The following CHTF8 variants were observed in gnomAD, a reference collection of about 807,000 sequenced individuals.
CHTF8 encodes chromosome transmission fidelity protein 8 homolog.
A neutral mutation model predicts 11.0 loss-of-function variants in CHTF8; 6 were observed. That is an observed-to-expected ratio of 0.55 (90% confidence interval 0.30 to 1.08). The LOEUF (loss-of-function observed/expected upper bound fraction) is 1.08. CHTF8 is among the 50% of genes least tolerant of loss of function. The probability of loss-of-function intolerance (pLI) is 0.07; values close to 1 mark genes in which losing one functional copy is unlikely to be tolerated. For synonymous variants in CHTF8, 53 were observed against 60.5 expected (o/e 0.88, Z 0.57); for missense variants, 140 against 153.1 (o/e 0.91, Z 0.45).
At chr16:69,125,200 G>A (rs1298791425) in intron 1 of CHTF8, among the ~76,000 whole-genome samples, 1 of 152,098 alleles carries the variant, frequency 6.6e-6, no homozygotes, top group Non-Finnish European at 1.5e-5. Flanking sequence ...CATTGCGCCC[G>A]GCCAACTCAC....
At chr16:69,125,515 G>A (rs528022131) in intron 1 of CHTF8, among the ~76,000 whole-genome samples, 161 of 152,238 alleles carry the variant, frequency 1.1e-3, no homozygotes, top group Non-Finnish European at 1.1e-3. Flanking sequence ...TAATGAGAAC[G>A]AAAAAGAATC....
Position 69,118,592 on chromosome 16 carries a change from C to G in CHTF8, c.*1833G>C, listed in dbSNP as rs1264963926. On this transcript the variant is annotated 3_prime_UTR_variant, in exon 4 of 4. Coordinates refer to ENST00000448552, the MANE Select transcript of CHTF8 (RefSeq NM_001039690.5). ...AAACAATGGGCAGAAAGCTGTGGGACGAAAGCACAGCAGGCTTCTGGGAGG... is the reference window on the plus strand; with the variant it reads ...AAACAATGGGCAGAAAGCTGTGGGAGGAAAGCACAGCAGGCTTCTGGGAGG... 2.8e-6 allele frequency: 2 copies of G among 725,298 alleles called. No individual in the cohort carries two copies. The highest frequency in any genetic ancestry group is 5.0e-6 in the Non-Finnish European group (2 of 398,364). The allele number at this position is 725,298 out of a possible 1,614,324, so 44.9% of individuals were successfully genotyped here.
intron 1 of CHTF8, among the ~76,000 whole-genome samples, chr16:69,130,609 G>T (rs1962427955): frequency 6.6e-6 from 1 of 152,078 alleles, no homozygotes; most frequent in Non-Finnish European, 1.5e-5. Context: ...CAATACACTG[G>T]GCATAAACAC....
At chr16:69,131,303 T>C (rs1395948950) in intron 1 of CHTF8, 3 of 152,172 alleles carry the variant, frequency 2.0e-5, no homozygotes, top group African/African-American at 4.8e-5. Flanking sequence ...TTACTGGTAT[T>C]TGTAGCAATG....
At position 69,118,366 on chromosome 16, in the gene CHTF8, A is replaced by C; in HGVS notation, c.*2059T>G. Reference sequence around the variant, plus strand: ...GTTCTGTGTTCAAGCCCCCAGGGAAAGGTATGGCAGTAGAGGATGACCAGG... The same window carrying C: ...GTTCTGTGTTCAAGCCCCCAGGGAACGGTATGGCAGTAGAGGATGACCAGG... On this transcript the variant is annotated 3_prime_UTR_variant, in exon 4 of 4. Coordinates refer to ENST00000448552, the MANE Select transcript of CHTF8 (RefSeq NM_001039690.5). 4 of 1,606,626 alleles carry C rather than the reference A, an allele frequency of 2.5e-6. No individual in the cohort carries two copies. The highest frequency in any genetic ancestry group is 3.4e-6 in the Non-Finnish European group (4 of 1,173,210).
intron 1 of CHTF8, among the ~76,000 whole-genome samples, chr16:69,122,237 G>T (rs779724948): frequency 6.6e-6 from 1 of 152,242 alleles, no homozygotes; most frequent in East Asian, 1.9e-4. Flanking sequence ...ATCACCAATG[G>T]TCAACTGTAT....
chr16:69,129,573 G>C (rs1215152501), intron 1 of CHTF8, among the ~76,000 whole-genome samples: 2 of 151,934 alleles, frequency 1.3e-5, no homozygotes, highest in African/African-American at 4.8e-5. Context: ...TATGCTTTTA[G>C]CAAGGTCTTC....
chr16:69,128,270 C>T (rs1170980421), intron 1 of CHTF8, among the ~76,000 whole-genome samples: 1 of 152,128 alleles, frequency 6.6e-6, no homozygotes, highest in East Asian at 1.9e-4. Context: ...ACATGTCTTT[C>T]GTTAGGAACA....
chr16:69,120,387 A>G lies in CHTF8; in HGVS notation c.*38T>C, dbSNP rs1961555022. The G allele has an allele frequency of 6.2e-7, 1 of 1,601,778 alleles. No homozygotes were observed. The highest frequency in any genetic ancestry group is 8.6e-7 in the Non-Finnish European group (1 of 1,168,902). Reference sequence around the variant, plus strand: ...GAGGTGGCAGCGGAGCACGAGTCCAAGGAGTTGGCCGCTCTCTAGGGAAAA... The same window carrying G: ...GAGGTGGCAGCGGAGCACGAGTCCAGGGAGTTGGCCGCTCTCTAGGGAAAA... On this transcript the variant is annotated 3_prime_UTR_variant, in exon 4 of 4. Transcript: ENST00000448552. The surrounding 1 kb of genome is among the most constrained non-coding windows in gnomAD (Gnocchi z 4.0).
chr16:69,119,612 G>A lies in CHTF8; in HGVS notation c.*813C>T, dbSNP rs1961464451. ...GCTCTTAGAATGGGGGCAAGATCGAGGCCTTGAGGTCCAGCCATTCTTAAG... is the reference window on the plus strand; with the variant it reads ...GCTCTTAGAATGGGGGCAAGATCGAAGCCTTGAGGTCCAGCCATTCTTAAG... On this transcript the variant is annotated 3_prime_UTR_variant, in exon 4 of 4. Coordinates refer to ENST00000448552, the MANE Select transcript of CHTF8 (RefSeq NM_001039690.5). 1 of 695,522 alleles carries A rather than the reference G, an allele frequency of 1.4e-6. No individual in the cohort carries two copies. The highest frequency in any genetic ancestry group is 2.6e-6 in the Non-Finnish European group (1 of 380,674). The allele number at this position is 695,522 out of a possible 1,614,324, so 43.1% of individuals were successfully genotyped here. A position where few individuals can be genotyped will look rare whatever the true frequency, so the allele number is the denominator to read the frequency against.
intron 1 of CHTF8, among the ~76,000 whole-genome samples, chr16:69,122,890 G>A (rs1282866606): frequency 6.6e-6 from 1 of 151,908 alleles, no homozygotes; most frequent in Non-Finnish European, 1.5e-5. Context: ...TGTTAGCCAG[G>A]CTGGTCTCAA....
intron 1 of CHTF8, among the ~76,000 whole-genome samples, chr16:69,131,053 G>A (rs1173446529): frequency 6.6e-6 from 1 of 152,166 alleles, no homozygotes; most frequent in Non-Finnish European, 1.5e-5. Flanking sequence ...AACTGAAGGG[G>A]ACAGGTCTAT....
intron 1 of CHTF8, chr16:69,131,286 G>A (rs2152273956): frequency 6.6e-6 from 1 of 152,236 alleles, no homozygotes; most frequent in Non-Finnish European, 1.5e-5. Context: ...ACGTTGGAGG[G>A]AATCAATTAC....
At chr16:69,123,149 C>T (rs528690010) in intron 1 of CHTF8, among the ~76,000 whole-genome samples, 10 of 152,220 alleles carry the variant, frequency 6.6e-5, no homozygotes, top group African/African-American at 1.4e-4. Flanking sequence ...CTTTACTGCC[C>T]GGGCTTAAGT....
At chr16:69,128,636 C>T (rs1962264911) in intron 1 of CHTF8, among the ~76,000 whole-genome samples, 1 of 152,166 alleles carries the variant, frequency 6.6e-6, no homozygotes, top group Non-Finnish European at 1.5e-5. Flanking sequence ...CACCAGCATT[C>T]AAAGAATCAA....
Position 69,120,586 on chromosome 16 carries a change from G to T in CHTF8, c.205C>A (p.Pro69Thr). 4 of 1,614,012 alleles carry T rather than the reference G, an allele frequency of 2.5e-6. No homozygotes were observed. The highest frequency in any genetic ancestry group is 3.4e-6 in the Non-Finnish European group (4 of 1,179,970). Residue 69 changes from proline (P) to threonine (T), a missense_variant, in exon 4 of 4, where the codon CCT becomes ACT. By Grantham distance (38) the Pro-to-Thr change is conservative. Coordinates refer to ENST00000448552, the MANE Select transcript of CHTF8 (RefSeq NM_001039690.5). This position sits in a 1 kb window ranked among gnomAD's most constrained non-coding sequence, Gnocchi z 4.0. ...LYGKIIHLEK[P>T]FAVLVKHTPG... ...GTGTGTTTGACAAGGACTGCAAAAG[G>T]TTTCTCCAGGTGGATGATTTTCCCA...
At chr16:69,121,264 G>T in intron 2 of CHTF8, 94 bp from the exon 3 acceptor site, 1 of 1,318,388 alleles carries the variant, frequency 7.6e-7, no homozygotes, top group Non-Finnish European at 1.1e-6. Context: ...GGACCTCTTT[G>T]TTGGATGTCA....
chr16:69,120,238 G>A lies in CHTF8; in HGVS notation c.*187C>T, dbSNP rs757377660. On this transcript the variant is annotated 3_prime_UTR_variant, in exon 4 of 4. Transcript: ENST00000448552. The surrounding 1 kb of genome is among the most constrained non-coding windows in gnomAD (Gnocchi z 4.0). ...AAAAGGAGATGGGTTCCTTGGAAAT[G>A]GGGTCAGATTTCCACCAAGAGAACC... is the stretch of plus-strand genomic sequence containing the variant. 5.6e-6 allele frequency: 4 copies of A among 708,770 alleles called. No individual in the cohort carries two copies. In the East Asian group the frequency reaches 1.1e-4, roughly 19 times the overall value. 43.9% of individuals were successfully genotyped at this position (708,770 alleles called of 1,614,324 possible).
chr16:69,125,929 C>A (rs574583941), intron 1 of CHTF8, among the ~76,000 whole-genome samples: 13 of 152,146 alleles, frequency 8.5e-5, no homozygotes, highest in Admixed American at 2.6e-4. Context: ...CTTTAAAGAC[C>A]CCAAGTTCTA....
Sources: gnomAD v4.1 joint callset for allele counts (sites outside exome capture counted in the v4.1 genomes callset) on GRCh38, gnomAD v4.1.1 for gene constraint, Gnocchi (gnomAD v3.1) non-coding constraint, MANE v1.5 for transcripts, NCBI Gene and HGNC (gene_info 2026-07-23, HGNC 2026-07-21) for gene names.